Variants in RORA observed in about 807,000 individuals in gnomAD.
RORA encodes nuclear receptor ROR-alpha.
In RORA, 7 loss-of-function variants were observed where a neutral mutation model predicts 69.5. The ratio of observed to expected loss-of-function variants is 0.10; its 90% CI spans 0.06 to 0.19. RORA has a LOEUF of 0.19. Ranked by LOEUF, RORA falls within the 10% of genes least tolerant of loss-of-function variation. The probability of loss-of-function intolerance (pLI) is 1.00; values close to 1 mark genes in which losing one functional copy is unlikely to be tolerated. For synonymous variants in RORA, 261 were observed against 240.8 expected, an observed-to-expected ratio of 1.08 and a Z score of -0.78; for missense variants, 457 against 663.0, an observed-to-expected ratio of 0.69 and a Z score of 3.41.
chr15:60,837,361 T>C (rs2073131718), intron 1 of RORA, among the ~76,000 whole-genome samples: 1 of 152,210 alleles, frequency 6.6e-6, no homozygotes, highest in African/African-American at 2.4e-5. Context: ...AGATGTGAAA[T>C]GAAGCTTGGC....
intron 3 of RORA, among the ~76,000 whole-genome samples, chr15:60,515,034 G>C (rs1165535710): frequency 1.3e-5 from 2 of 152,172 alleles, no homozygotes; most frequent in Admixed American, 1.3e-4. Flanking sequence ...CCAGGTCCTT[G>C]TTCTTGGCTT....
chr15:60,763,144 T>C (rs1194989554), intron 1 of RORA, among the ~76,000 whole-genome samples: 4 of 132,662 alleles, frequency 3.0e-5, no homozygotes, highest in Non-Finnish European at 6.1e-5. Flanking sequence ...GAAAACTGAG[T>C]TGGGAAAACT....
At chr15:60,719,464 A>T (rs919556835) in intron 1 of RORA, among the ~76,000 whole-genome samples, 4 of 152,190 alleles carry the variant, frequency 2.6e-5, no homozygotes, top group African/African-American at 9.7e-5. Flanking sequence ...ATCCAAAACC[A>T]CAAAATATAG....
chr15:60,949,972 A>C (rs1893032578), intron 1 of RORA, among the ~76,000 whole-genome samples: 1 of 152,198 alleles, frequency 6.6e-6, no homozygotes, highest in Non-Finnish European at 1.5e-5. Context: ...TTCCCACTCC[A>C]AGACACATAA....
Position 60,856,595 on chromosome 15 carries a change from GA to G in RORA, c.167-177910del, listed in dbSNP as rs202209097. Among the ~76,000 whole-genome samples the G allele has an allele frequency of 5.5e-3, 834 of 150,824 alleles. 4 individuals are homozygous for G. The highest frequency in any genetic ancestry group is 0.024 in the Middle Eastern group (7 of 290). ...AAATGAATTAATACTTTTACAACTT[GA>G]AAAAAAATGTATAACATTTTACATC... On this transcript the variant is annotated intron_variant, in intron 1 of 10. Transcript: ENST00000335670.
chr15:60,867,874 C>T (rs1285256376), intron 1 of RORA, among the ~76,000 whole-genome samples: 2 of 152,008 alleles, frequency 1.3e-5, no homozygotes, highest in African/African-American at 2.4e-5. Flanking sequence ...AGGTGAAATA[C>T]GAAATAAATT....
chr15:60,842,407 T>C (rs1323690628), intron 1 of RORA, among the ~76,000 whole-genome samples: 1 of 152,210 alleles, frequency 6.6e-6, no homozygotes, highest in South Asian at 2.1e-4. Flanking sequence ...TCATAATAGA[T>C]ATTTTCAAAG....
chr15:60,815,718 A>AC (rs1171323727), intron 1 of RORA, among the ~76,000 whole-genome samples: 1 of 146,374 alleles, frequency 6.8e-6, no homozygotes, highest in Non-Finnish European at 1.5e-5. Context: ...TCCAGTCAAC[A>AC]CCCCCCGAGG....
intron 1 of RORA, among the ~76,000 whole-genome samples, chr15:61,193,567 T>C (rs941402850): frequency 5.9e-5 from 9 of 152,242 alleles, no homozygotes; most frequent in Non-Finnish European, 1.2e-4. Flanking sequence ...TTTCTAGTTA[T>C]ATGAGCCCAT....
intron 1 of RORA, among the ~76,000 whole-genome samples, chr15:61,041,907 T>G (rs1256706498): frequency 2.6e-5 from 4 of 152,210 alleles, no homozygotes; most frequent in Admixed American, 2.6e-4. Flanking sequence ...TCTTATGAGG[T>G]AGGTACCTCT....
chr15:60,995,082 A>AAAG (rs917222750), intron 1 of RORA, among the ~76,000 whole-genome samples: 3 of 152,224 alleles, frequency 2.0e-5, no homozygotes, highest in Non-Finnish European at 4.4e-5. Flanking sequence ...ATTTTTAAAA[A>AAAG]AAGAAGAAGA....
intron 1 of RORA, among the ~76,000 whole-genome samples, chr15:60,972,806 G>A (rs1033724682): frequency 1.1e-4 from 16 of 152,206 alleles, no homozygotes; most frequent in South Asian, 2.1e-4. Context: ...ATGTTGATTC[G>A]TCAGCATAAG....
chr15:60,497,489 G>A lies in RORA; in HGVS notation c.1538C>T (p.Ser513Leu). The stretch of plus-strand genomic sequence containing the variant: ...AATTTGCATTGCTGGCTCAAATTCT[G>A]AAGTGAACAACTCCTTGTATAATGG... ...FPPLYKELFT[S>L]EFEPAMQIDG Residue 513 changes from serine to leucine, a missense_variant, in exon 11 of 11, where the codon TCA becomes TTA. Physicochemically the swap from Ser to Leu is moderately radical, Grantham distance 145. Coordinates refer to ENST00000335670, the MANE Select transcript of RORA (RefSeq NM_134261.3). 1 of 1,614,048 alleles carries A rather than the reference G, an allele frequency of 6.2e-7. No homozygotes were observed. Among genetic ancestry groups the A allele is most frequent in the Non-Finnish European group, 8.5e-7 (1 of 1,179,952 alleles).
At position 60,800,247 on chromosome 15, in the gene RORA, A is replaced by T. The variant is rs138428737; in HGVS notation, c.167-121561T>A. On this transcript the variant is annotated intron_variant, in intron 1 of 10. Transcript: ENST00000335670. ...CTACTGATACAAATACTTGTTAAAT[A>T]AACAAAAGAAGAATGACACGCTGTT... Among the ~76,000 whole-genome samples the T allele has an allele frequency of 3.2e-4, 48 of 152,360 alleles. 1 individual carries two copies. In the East Asian group the frequency reaches 6.8e-3, roughly 21 times the overall value.
At chr15:61,180,667 C>T (rs1040381899) in intron 1 of RORA, among the ~76,000 whole-genome samples, 1 of 152,210 alleles carries the variant, frequency 6.6e-6, no homozygotes, top group African/African-American at 2.4e-5. Flanking sequence ...TCTATGGTAA[C>T]ACATTCTATT....
At chr15:60,821,165 C>G (rs2072888341) in intron 1 of RORA, among the ~76,000 whole-genome samples, 1 of 152,180 alleles carries the variant, frequency 6.6e-6, no homozygotes, top group African/African-American at 2.4e-5. Context: ...TACAAGGGAT[C>G]CATCTTCCAC....
intron 2 of RORA, among the ~76,000 whole-genome samples, chr15:60,584,269 T>A (rs771372659): frequency 3.1e-4 from 47 of 152,154 alleles, no homozygotes; most frequent in Non-Finnish European, 4.9e-4. Flanking sequence ...GGAGTATGGG[T>A]TCTACTCTAC....
chr15:61,003,998 C>CA (rs35500637), intron 1 of RORA, among the ~76,000 whole-genome samples: 25,781 of 145,360 alleles, frequency 0.18, 2,349 homozygotes, highest in South Asian at 0.28. Context: ...TTTCATGGCC[C>CA]AAAAAAAAAA....
chr15:60,516,247 A>C (rs1296978986), intron 3 of RORA, among the ~76,000 whole-genome samples: 2 of 73,000 alleles, frequency 2.7e-5, no homozygotes, highest in Non-Finnish European at 4.7e-5. Flanking sequence ...ATATATATAT[A>C]TTTATATATA....
Sources: allele counts gnomAD v4.1 joint callset (sites outside exome capture counted in the v4.1 genomes callset), GRCh38; gene constraint gnomAD v4.1.1; transcripts MANE v1.5; gene names NCBI Gene and HGNC (gene_info 2026-07-23, HGNC 2026-07-21).